The following LINGO2 variants were observed in gnomAD, a reference collection of about 807,000 sequenced individuals.
LINGO2 encodes the protein leucine rich repeat and Ig domain containing 2, also known as leucine-rich repeat and immunoglobulin-like domain-containing nogo receptor-interacting protein 2.
Under a neutral mutation model 30.6 loss-of-function variants are expected in LINGO2, and 14 were observed. The observed-to-expected ratio is 0.46, with a 90% CI of 0.30 to 0.72. The LOEUF is 0.72. Among genes scored for constraint, LINGO2 ranks in the 30% least tolerant of loss-of-function variants. LINGO2 has a pLI of 0.07. For missense variants in LINGO2, 729 were observed against 751.7 expected (o/e 0.97, Z 0.35); for synonymous variants, 317 against 288.5 (o/e 1.10, Z -1.00).
At chr9:29,054,058 GA>G in the LINGO2 span, among the ~76,000 whole-genome samples, 7 of 151,938 alleles carry the variant, frequency 4.6e-5, no homozygotes, top group African/African-American at 1.5e-4. Context: ...GAAATTTCTA[GA>G]AAAGTATTTA....
the LINGO2 span, among the ~76,000 whole-genome samples, chr9:28,727,222 G>A: frequency 6.6e-6 from 1 of 152,098 alleles, no homozygotes; most frequent in Admixed American, 6.5e-5. Context: ...CAAAGAATAG[G>A]CAGCTGGGAA....
intron 4 of LINGO2, among the ~76,000 whole-genome samples, chr9:28,103,271 ATG>A (rs1826470243): frequency 6.6e-6 from 1 of 152,146 alleles, no homozygotes; most frequent in Non-Finnish European, 1.5e-5. Context: ...TTTTATTTAC[ATG>A]TGCTGTGTTA....
chr9:29,126,178 T>C, the LINGO2 span, among the ~76,000 whole-genome samples: 2 of 152,088 alleles, frequency 1.3e-5, no homozygotes, highest in African/African-American at 4.8e-5. Flanking sequence ...TAATAAATAC[T>C]TAGGGGGAAA....
At chr9:28,971,210 G>A in the LINGO2 span, among the ~76,000 whole-genome samples, 1 of 152,144 alleles carries the variant, frequency 6.6e-6, no homozygotes, top group African/African-American at 2.4e-5. Context: ...GAAGACCCTT[G>A]GGCCTTGAAT....
chr9:28,561,294 T>A (rs560379369), intron 1 of LINGO2, among the ~76,000 whole-genome samples: 25 of 151,934 alleles, frequency 1.6e-4, no homozygotes, highest in African/African-American at 5.8e-4. Context: ...TTAAAAAAAA[T>A]TCACTCAATG....
chr9:28,276,261 A>G (rs945015859), intron 4 of LINGO2, among the ~76,000 whole-genome samples: 1 of 152,152 alleles, frequency 6.6e-6, no homozygotes, highest in Non-Finnish European at 1.5e-5. Flanking sequence ...ATGTACACAG[A>G]GCAACAGTCA....
rs1301582092 is a variant in LINGO2 at position 28,130,372 on chromosome 9, A to C, written c.-86-117967T>G. Among the ~76,000 whole-genome samples, 1 of 152,224 alleles carries C rather than the reference A, an allele frequency of 6.6e-6. No individual in the cohort carries two copies. The highest frequency in any genetic ancestry group is 1.9e-4 in the East Asian group (1 of 5,200). Reference sequence around the variant, plus strand: ...CTATGAGACTGTAGAAGGTATTTAAACATTCACAAGGACAGAGCTATGTTG... The same window carrying C: ...CTATGAGACTGTAGAAGGTATTTAACCATTCACAAGGACAGAGCTATGTTG... On this transcript the variant is annotated intron_variant, in intron 4 of 5. Coordinates refer to ENST00000379992, the Ensembl canonical transcript of LINGO2. This position sits in a 1 kb window ranked among gnomAD's most constrained non-coding sequence, Gnocchi z 5.2.
the LINGO2 span, among the ~76,000 whole-genome samples, chr9:28,714,164 A>AATATAT: frequency 0.074 from 8,708 of 116,930 alleles, 570 homozygotes; most frequent in Admixed American, 0.18. Context: ...TGCCTCAAAT[A>AATATAT]ATATATATAT....
intron 1 of LINGO2, among the ~76,000 whole-genome samples, chr9:28,511,490 G>A (rs181814020): frequency 3.9e-5 from 6 of 152,192 alleles, no homozygotes; most frequent in African/African-American, 9.6e-5. Context: ...CTTTGTTCAC[G>A]GGCCCATTAA....
intron 1 of LINGO2, among the ~76,000 whole-genome samples, chr9:28,622,697 T>C (rs1826460112): frequency 6.6e-6 from 1 of 151,624 alleles, no homozygotes; most frequent in Non-Finnish European, 1.5e-5. Context: ...ATTTCCTTTC[T>C]TTTGGGATTG....
chr9:28,410,263 T>C (rs1489358246), intron 2 of LINGO2, among the ~76,000 whole-genome samples: 1 of 152,118 alleles, frequency 6.6e-6, no homozygotes, highest in Non-Finnish European at 1.5e-5. Context: ...ATTTTATAAT[T>C]TGTATATGAA....
At chr9:27,970,149 C>G (rs1262893864) in intron 5 of LINGO2, among the ~76,000 whole-genome samples, 2 of 152,006 alleles carry the variant, frequency 1.3e-5, no homozygotes, top group East Asian at 3.9e-4. Context: ...TAGACTATAC[C>G]ACACACACTG....
chr9:28,128,315 G>C (rs1827294930), intron 4 of LINGO2, among the ~76,000 whole-genome samples: 1 of 152,116 alleles, frequency 6.6e-6, no homozygotes, highest in Non-Finnish European at 1.5e-5. Flanking sequence ...CCCTGGGTGA[G>C]GAAAATGTAA....
chr9:29,107,872 C>G, the LINGO2 span, among the ~76,000 whole-genome samples: 1 of 143,168 alleles, frequency 7.0e-6, no homozygotes, highest in South Asian at 2.2e-4. Flanking sequence ...TTCACCCTCC[C>G]CTTATGCCCT....
chr9:28,324,252 C>T (rs950452790), intron 3 of LINGO2, among the ~76,000 whole-genome samples: 6 of 152,080 alleles, frequency 3.9e-5, no homozygotes, highest in South Asian at 2.1e-4. Flanking sequence ...AAATAATAGC[C>T]GTATCCCTTC....
At chr9:28,488,807 A>T (rs1780402427) in intron 1 of LINGO2, among the ~76,000 whole-genome samples, 1 of 152,174 alleles carries the variant, frequency 6.6e-6, no homozygotes, top group East Asian at 1.9e-4. Context: ...GGTTATACTA[A>T]ATCACAGTTC....
chr9:28,772,450 A>C, the LINGO2 span, among the ~76,000 whole-genome samples: 1 of 152,230 alleles, frequency 6.6e-6, no homozygotes, highest in African/African-American at 2.4e-5. Flanking sequence ...TGTACATAAC[A>C]GCAGCATCAC....
At chr9:28,967,403 G>A in the LINGO2 span, among the ~76,000 whole-genome samples, 1 of 152,124 alleles carries the variant, frequency 6.6e-6, no homozygotes, top group Non-Finnish European at 1.5e-5. Flanking sequence ...GTTCCTAGGG[G>A]ACTGAAGAAA....
At chr9:28,419,041 G>A (rs1200353523) in intron 2 of LINGO2, among the ~76,000 whole-genome samples, 1 of 152,058 alleles carries the variant, frequency 6.6e-6, no homozygotes, top group South Asian at 2.1e-4. Context: ...CATTTCCAGA[G>A]TAAATCCCTC....
Sources: gnomAD v4.1 joint callset for allele counts (sites outside exome capture counted in the v4.1 genomes callset) on GRCh38, gnomAD v4.1.1 for gene constraint, Gnocchi (gnomAD v3.1) non-coding constraint, MANE v1.5 for transcripts, NCBI Gene and HGNC (gene_info 2026-07-23, HGNC 2026-07-21) for gene names.